The following GABRD variants were observed in gnomAD, a reference collection of about 807,000 sequenced individuals.
GABRD encodes gamma-aminobutyric acid receptor subunit delta.
In GABRD, 25 loss-of-function variants were observed where a neutral mutation model predicts 47.3. That is an observed-to-expected ratio of 0.53 (90% CI 0.39 to 0.74). The LOEUF (loss-of-function observed/expected upper bound fraction) is 0.74, where lower values mean the gene tolerates loss of function less well. GABRD is among the 30% of genes least tolerant of loss of function. The probability of loss-of-function intolerance (pLI) is 0.00; values close to 1 mark genes in which losing one functional copy is unlikely to be tolerated. For synonymous variants in GABRD, 314 were observed against 278.8 expected (o/e 1.13, Z -1.26); for missense variants, 497 against 643.4 (o/e 0.77, Z 2.46).
intron 8 of GABRD, 75 bp downstream of exon 8, chr1:2,029,837 CTG>C: frequency 6.6e-7 from 1 of 1,519,062 alleles, no homozygotes; most frequent in Admixed American, 1.7e-5. Context: ...CCCCAGCCCA[CTG>C]TGGGTCCCAG....
At chr1:2,021,364 G>GC (rs1280571456) in intron 1 of GABRD, among the ~76,000 whole-genome samples, 3 of 152,112 alleles carry the variant, frequency 2.0e-5, no homozygotes, top group Admixed American at 6.5e-5. Flanking sequence ...GCCACCTTCA[G>GC]ACTTAGCGGG....
In GABRD at chr1:2,029,593, C is replaced by T; in HGVS notation, c.890C>T (p.Ala297Val). 6.2e-7 allele frequency: 1 copy of T among 1,613,116 alleles called. No individual in the cohort carries two copies. The highest frequency in any genetic ancestry group is 8.5e-7 in the Non-Finnish European group (1 of 1,180,010). ...VLTMTTLMVS[A>V]RSSLPRASAI... Reference sequence around the variant, plus strand: ...ACGATGACCACGCTCATGGTCAGTGCCCGCTCCTCCCTGCCACGGGCATCA... The same window carrying T: ...ACGATGACCACGCTCATGGTCAGTGTCCGCTCCTCCCTGCCACGGGCATCA... Residue 297 changes from alanine (A) to valine (V), a missense_variant, in exon 8 of 9, where the codon GCC (alanine) becomes GTC (valine). Around this residue, in one of 3 missense-constraint regions of GABRD, gnomAD observed 285 missense variants for 436.6 expected, o/e 0.65. Coordinates refer to ENST00000378585, the MANE Select transcript of GABRD (RefSeq NM_000815.5).
At chr1:2,029,425 C>A in intron 7 of GABRD, 126 bp from the exon 8 acceptor site, 1 of 1,332,098 alleles carries the variant, frequency 7.5e-7, no homozygotes, top group South Asian at 1.3e-5. Flanking sequence ...GAAACAGGAC[C>A]TGCTCCCTGG....
At position 2,030,323 on chromosome 1, in the gene GABRD, C is replaced by T. The variant is rs767221028; in HGVS notation, c.*41C>T. 2.8e-5 allele frequency: 41 copies of T among 1,462,776 alleles called. No homozygotes were observed. The highest frequency in any genetic ancestry group is 2.2e-4 in the Middle Eastern group (1 of 4,492). The allele number at this position is 1,462,776 out of a possible 1,614,324, so 90.6% of individuals were successfully genotyped here. A position where few individuals can be genotyped will look rare whatever the true frequency, so the allele number is the denominator to read the frequency against. On this transcript the variant is annotated 3_prime_UTR_variant, in exon 9 of 9. Transcript: ENST00000378585. Reference sequence around the variant, plus strand: ...CACCCTCGCTTGTCCTGGCGCCCGGCGGCAGCTGCCCAGAAACTTCCTGGG... The same window carrying T: ...CACCCTCGCTTGTCCTGGCGCCCGGTGGCAGCTGCCCAGAAACTTCCTGGG...
Position 2,022,603 on chromosome 1 carries a change from G to A in GABRD, c.69-2339G>A, listed in dbSNP as rs796988087. Among the ~76,000 whole-genome samples, 3 of 152,240 alleles carry A rather than the reference G, an allele frequency of 2.0e-5. No homozygotes were observed. The South Asian group carries it at 6.2e-4, about 32-fold the overall frequency. ...TTCCAGGCAGGCTAGATGGCAGCTGGGCTGGTCCAAAAATAAAGCCTCACT... is the reference window on the plus strand; with the variant it reads ...TTCCAGGCAGGCTAGATGGCAGCTGAGCTGGTCCAAAAATAAAGCCTCACT... On this transcript the variant is annotated intron_variant, in intron 1 of 8. Coordinates refer to ENST00000378585, the MANE Select transcript of GABRD (RefSeq NM_000815.5).
In GABRD at chr1:2,030,644, G is replaced by A. The variant is rs976768185; in HGVS notation, c.*362G>A. 3.6e-5 allele frequency: 7 copies of A among 195,604 alleles called. No individual in the cohort carries two copies. The highest frequency in any genetic ancestry group is 5.1e-5 in the Non-Finnish European group (5 of 97,362). The allele number at this position is 195,604 out of a possible 1,614,324, so 12.1% of individuals were successfully genotyped here. ...TGCTCTGCAGGATCGGGATCAGAGC[G>A]TGGGAGGAGGTGGGGGTGGACGTCC... On this transcript the variant is annotated 3_prime_UTR_variant, in exon 9 of 9. Coordinates refer to ENST00000378585, the MANE Select transcript of GABRD (RefSeq NM_000815.5).
In GABRD at chr1:2,030,543, A is replaced by C. The variant is rs1279675006; in HGVS notation, c.*261A>C. The stretch of plus-strand genomic sequence containing the variant: ...AGCAGAGGTTCTGACCGAGAGGCTG[A>C]GCCAGGCCGGGGTCTGGGCCCTTCA... On this transcript the variant is annotated 3_prime_UTR_variant, in exon 9 of 9. Transcript: ENST00000378585. 5.3e-6 allele frequency: 2 copies of C among 379,586 alleles called. No homozygotes were observed. Among genetic ancestry groups the C allele is most frequent in the Admixed American group, 4.2e-5 (1 of 23,986 alleles). The allele number at this position is 379,586 out of a possible 1,614,324, so 23.5% of individuals were successfully genotyped here.
At chr1:2,025,101 G>A (rs1294632097) in intron 2 of GABRD, 47 bp downstream of exon 2, 1 of 1,519,552 alleles carries the variant, frequency 6.6e-7, no homozygotes, top group Non-Finnish European at 9.0e-7. Flanking sequence ...TGGAGCCCAG[G>A]CTAGGCCGTG....
chr1:2,029,306 C>T (rs919761407), intron 7 of GABRD, 40 bp downstream of exon 7: 58 of 1,534,792 alleles, frequency 3.8e-5, no homozygotes, highest in Non-Finnish European at 4.7e-5. Context: ...GCTGGAAGGG[C>T]GGCCCTGGGG....
chr1:2,025,646 C>G lies in GABRD; in HGVS notation c.378C>G (p.Ile126Met). 1 of 1,613,058 alleles carries G rather than the reference C, an allele frequency of 6.2e-7. No homozygotes were observed. Among genetic ancestry groups the G allele is most frequent in the Non-Finnish European group, 8.5e-7 (1 of 1,180,018 alleles). ...AGCTGTGGCTGCCCGACACCTTCAT[C>G]GTGAACGCCAAGTCGGCCTGGTTCC... ...VDKLWLPDTF[I>M]VNAKSAWFHD... Residue 126 changes from isoleucine to methionine, a missense_variant, in exon 4 of 9, where the codon ATC becomes ATG. Physicochemically the swap from Ile to Met is conservative, Grantham distance 10. This residue lies in a region of GABRD where 285 missense variants were observed against 436.6 expected (regional missense o/e 0.65). Coordinates refer to ENST00000378585, the MANE Select transcript of GABRD (RefSeq NM_000815.5).
chr1:2,024,194 A>G (rs1252411722), intron 1 of GABRD: 1 of 152,352 alleles, frequency 6.6e-6, no homozygotes, highest in African/African-American at 2.4e-5. Flanking sequence ...GACGCTGTTC[A>G]ACCCAGTGCA....
chr1:2,027,191 T>C, intron 4 of GABRD: 1 of 335,360 alleles, frequency 3.0e-6, no homozygotes, highest in Non-Finnish European at 5.8e-6. Flanking sequence ...CGGGATATTT[T>C]ACATAGGAAT....
Position 2,029,227 on chromosome 1 carries a change from T to G in GABRD, c.808T>G (p.Trp270Gly). ...LLVAMSWVSF[W>G]ISQAAVPARV... ...GGTCGCCATGTCCTGGGTCTCCTTCTGGATCAGCCAGGCGGCGGTGCCCGC... is the reference window on the plus strand; with the variant it reads ...GGTCGCCATGTCCTGGGTCTCCTTCGGGATCAGCCAGGCGGCGGTGCCCGC... The change falls in exon 7 of 9, where the codon TGG (tryptophan) becomes GGG (glycine). Residue 270 changes from tryptophan to glycine, a missense_variant. By Grantham distance (184) the Trp-to-Gly change is radical. Coordinates refer to ENST00000378585, the MANE Select transcript of GABRD (RefSeq NM_000815.5). 2 of 1,573,880 alleles carry G rather than the reference T, an allele frequency of 1.3e-6. No individual in the cohort carries two copies. The highest frequency in any genetic ancestry group is 1.7e-6 in the Non-Finnish European group (2 of 1,161,140).
intron 5 of GABRD, 182 bp downstream of exon 5, chr1:2,027,841 T>C: frequency 1.5e-6 from 1 of 663,426 alleles, no homozygotes; most frequent in South Asian, 1.8e-5. Context: ...CAGTCTGGCT[T>C]GTGGGTCTGT....
intron 1 of GABRD, 51 bp downstream of exon 1, chr1:2,019,542 G>A: frequency 9.4e-7 from 1 of 1,059,084 alleles, no homozygotes. Flanking sequence ...TGGGGGGCCC[G>A]CGTCGGCCCG....
At position 2,028,358 on chromosome 1, in the gene GABRD, T is replaced by G; in HGVS notation, c.691+66T>G. 7.0e-7 allele frequency: 1 copy of G among 1,428,600 alleles called. No homozygotes were observed. The highest frequency in any genetic ancestry group is 9.2e-7 in the Non-Finnish European group (1 of 1,083,398). The allele number at this position is 1,428,600 out of a possible 1,614,324, so 88.5% of individuals were successfully genotyped here. A position where few individuals can be genotyped will look rare whatever the true frequency, so the allele number is the denominator to read the frequency against. On this transcript the variant is annotated intron_variant, in intron 6 of 8. Transcript: ENST00000378585. This position sits in a 1 kb window ranked among gnomAD's most constrained non-coding sequence, Gnocchi z 6.4. ...CCCTTCCGCGCGCGCCCACCGCCCC[T>G]TCCGCGCGCGCCCACCGCCCCTTCC...
chr1:2,029,481 C>A (rs1157234196), intron 7 of GABRD, 70 bp from the exon 8 acceptor site: 4 of 1,587,312 alleles, frequency 2.5e-6, no homozygotes, highest in Non-Finnish European at 3.4e-6. Context: ...CCGTGGGTCA[C>A]AGGCATCAAG....
At position 2,025,064 on chromosome 1, in the gene GABRD, G is replaced by C. The variant is rs774122718; in HGVS notation, c.181+10G>C. ...CGGCCTGGCATCGGAGGTGAGGGGC[G>C]GTCCAGGCCCGGCAGGCAGGAGCCG... is the stretch of plus-strand genomic sequence containing the variant. On this transcript the variant is annotated intron_variant, in intron 2 of 8. Transcript: ENST00000378585. 8.7e-6 allele frequency: 14 copies of C among 1,603,662 alleles called. No individual in the cohort carries two copies. The highest frequency in any genetic ancestry group is 1.7e-5 in the Admixed American group (1 of 59,712).
At chr1:2,022,915 C>T (rs1658818933) in intron 1 of GABRD, among the ~76,000 whole-genome samples, 1 of 152,182 alleles carries the variant, frequency 6.6e-6, no homozygotes, top group African/African-American at 2.4e-5. Context: ...GGTTCAAAGT[C>T]CAAATCTTTG....
Sources: gnomAD v4.1 joint callset for allele counts (sites outside exome capture counted in the v4.1 genomes callset) on GRCh38, gnomAD v4.1.1 for gene constraint, gnomAD v4.1.1 regional missense constraint, Gnocchi (gnomAD v3.1) non-coding constraint, MANE v1.5 for transcripts, NCBI Gene and HGNC (gene_info 2026-07-23, HGNC 2026-07-21) for gene names.